Variants in CELF4 observed in about 807,000 individuals in gnomAD.
CELF4 encodes the protein CUGBP Elav-like family member 4.
In CELF4, 18 loss-of-function variants were observed where a neutral mutation model predicts 59.9. That is an observed-to-expected ratio of 0.30 (90% CI 0.21 to 0.45). CELF4 has a LOEUF of 0.45. CELF4 is among the 20% of genes least tolerant of loss of function. The pLI, the probability that CELF4 is intolerant of heterozygous loss-of-function variation, is 1.00. For missense variants in CELF4, 456 were observed against 689.0 expected (o/e 0.66, Z 3.79); for synonymous variants, 261 against 267.1 (o/e 0.98, Z 0.22).
At chr18:37,338,337 ACT>A (rs1224172733) in intron 2 of CELF4, among the ~76,000 whole-genome samples, 1 of 131,470 alleles carries the variant, frequency 7.6e-6, no homozygotes, top group South Asian at 2.6e-4. Context: ...CACCACCACC[ACT>A]GTCGCTGCCA....
At chr18:37,460,004 A>C (rs1179741993) in intron 2 of CELF4, among the ~76,000 whole-genome samples, 1 of 152,192 alleles carries the variant, frequency 6.6e-6, no homozygotes, top group Non-Finnish European at 1.5e-5. Flanking sequence ...ATTCCCAGGT[A>C]CTTGTTACAA....
intron 1 of CELF4, among the ~76,000 whole-genome samples, chr18:37,552,405 G>A (rs2099983507): frequency 6.6e-6 from 1 of 152,204 alleles, no homozygotes; most frequent in African/African-American, 2.4e-5. Context: ...CTGCTCTGCA[G>A]AAACCTGCCT....
intron 2 of CELF4, among the ~76,000 whole-genome samples, chr18:37,336,475 T>C (rs1458799823): frequency 6.6e-6 from 1 of 152,168 alleles, no homozygotes; most frequent in African/African-American, 2.4e-5. Context: ...AGCCACCCCA[T>C]GTGGCCTATC....
At chr18:37,274,572 T>A in intron 5 of CELF4, 118 bp from the exon 6 acceptor site, 1 of 1,582,598 alleles carries the variant, frequency 6.3e-7, no homozygotes, top group East Asian at 2.2e-5. Context: ...GGAGGCGGCA[T>A]CGGCGCTCGC....
intron 2 of CELF4, among the ~76,000 whole-genome samples, chr18:37,395,415 C>T (rs1208411460): frequency 6.6e-6 from 1 of 152,174 alleles, no homozygotes; most frequent in Admixed American, 6.5e-5. Context: ...CTGAGCTGAC[C>T]CCTCTGTATC....
At chr18:37,392,168 C>G (rs1569568580) in intron 2 of CELF4, among the ~76,000 whole-genome samples, 1 of 152,200 alleles carries the variant, frequency 6.6e-6, no homozygotes, top group Non-Finnish European at 1.5e-5. Context: ...AAAGGTTTTC[C>G]CCCAAGAACA....
intron 1 of CELF4, among the ~76,000 whole-genome samples, chr18:37,507,851 A>C (rs557236827): frequency 6.6e-6 from 1 of 152,186 alleles, no homozygotes; most frequent in Admixed American, 6.5e-5. Context: ...GGCCCCTGTT[A>C]TGTGCCCACA....
intron 3 of CELF4, among the ~76,000 whole-genome samples, chr18:37,287,289 C>T (rs965100661): frequency 1.3e-5 from 2 of 152,222 alleles, no homozygotes; most frequent in African/African-American, 4.8e-5. Flanking sequence ...TCAGGCACTG[C>T]GTCCCTGGCC....
intron 1 of CELF4, among the ~76,000 whole-genome samples, chr18:37,550,524 G>A (rs1313978090): frequency 6.6e-6 from 1 of 152,208 alleles, no homozygotes; most frequent in African/African-American, 2.4e-5. Context: ...CTCTTAAGGA[G>A]GGACGTGGTG....
At chr18:37,340,610 C>A (rs1004587917) in intron 2 of CELF4, among the ~76,000 whole-genome samples, 2 of 152,176 alleles carry the variant, frequency 1.3e-5, no homozygotes, top group African/African-American at 4.8e-5. Context: ...TGAGGGTGGA[C>A]CCCAGTGGTC....
chr18:37,478,451 A>G (rs1480217412), intron 2 of CELF4, among the ~76,000 whole-genome samples: 2 of 152,216 alleles, frequency 1.3e-5, no homozygotes, highest in African/African-American at 4.8e-5. Flanking sequence ...GGCACAGCCC[A>G]TGGCAGGCCT....
chr18:37,248,453 G>A (rs949325711), intron 12 of CELF4, among the ~76,000 whole-genome samples: 3 of 152,082 alleles, frequency 2.0e-5, no homozygotes, highest in Admixed American at 6.5e-5. Flanking sequence ...CCTGCAGGGG[G>A]CCATGTGCAA....
At chr18:37,430,487 G>GC (rs929669901) in intron 2 of CELF4, among the ~76,000 whole-genome samples, 1 of 152,198 alleles carries the variant, frequency 6.6e-6, no homozygotes, top group Non-Finnish European at 1.5e-5. Context: ...GGAGGGTGAA[G>GC]CCAGCAAGGA....
At chr18:37,365,379 C>T (rs2098763090) in intron 2 of CELF4, among the ~76,000 whole-genome samples, 1 of 152,108 alleles carries the variant, frequency 6.6e-6, no homozygotes, top group South Asian at 2.1e-4. Context: ...AAGCATGTCG[C>T]CCACCCCCTG....
At chr18:37,265,146 G>A (rs1439585161) in intron 9 of CELF4, among the ~76,000 whole-genome samples, 2 of 151,660 alleles carry the variant, frequency 1.3e-5, no homozygotes, top group Non-Finnish European at 2.9e-5. Flanking sequence ...ACATGCATGT[G>A]TGTGGGTGTA....
chr18:37,305,628 G>A (rs1165531270), intron 3 of CELF4: 1 of 152,334 alleles, frequency 6.6e-6, no homozygotes, highest in African/African-American at 2.4e-5. Context: ...CTGAGAATCA[G>A]ATGGGCCTGG....
chr18:37,402,184 C>T (rs1007924250), intron 2 of CELF4, among the ~76,000 whole-genome samples: 2 of 152,194 alleles, frequency 1.3e-5, no homozygotes, highest in African/African-American at 4.8e-5. Flanking sequence ...GCGGTGAATA[C>T]ATGATCCGCT....
rs577901869 is a variant in CELF4, at chr18:37,285,331, G to A, written c.449-10088C>T. Reference sequence around the variant, plus strand: ...TGGGCTGAAAATGTCCTCTCTCGTCGTCACGCAGGAAGTCTGCCCTGCTGG... The same window carrying A: ...TGGGCTGAAAATGTCCTCTCTCGTCATCACGCAGGAAGTCTGCCCTGCTGG... On this transcript the variant is annotated intron_variant, in intron 3 of 12. Coordinates refer to ENST00000420428, the MANE Select transcript of CELF4 (RefSeq NM_020180.4). Among the ~76,000 whole-genome samples, 7 of 152,296 alleles carry A rather than the reference G, an allele frequency of 4.6e-5. No individual in the cohort carries two copies. In the South Asian group the frequency reaches 1.0e-3, roughly 23 times the overall value.
chr18:37,541,864 C>A (rs989272634), intron 1 of CELF4, among the ~76,000 whole-genome samples: 2 of 152,096 alleles, frequency 1.3e-5, no homozygotes, highest in Admixed American at 6.5e-5. Context: ...ACGTATACAG[C>A]GGCCCCAGTC....
Sources: allele counts gnomAD v4.1 joint callset (sites outside exome capture counted in the v4.1 genomes callset), GRCh38; gene constraint gnomAD v4.1.1; transcripts MANE v1.5; gene names NCBI Gene and HGNC (gene_info 2026-07-23, HGNC 2026-07-21).